The following RSPH14 variants were observed in gnomAD, a reference collection of about 807,000 sequenced individuals.
The protein encoded by RSPH14 is rhabdoid tumor deletion region gene 1.
In RSPH14, 20 loss-of-function variants were observed where a neutral mutation model predicts 26.7. That is an observed-to-expected ratio of 0.75 (90% confidence interval 0.53 to 1.09). The LOEUF is 1.09. RSPH14 is among the 50% of genes least tolerant of loss of function. The pLI is 0.00. For synonymous variants in RSPH14, 177 were observed against 189.3 expected, an observed-to-expected ratio of 0.93 and a Z score of 0.53; for missense variants, 449 against 457.2, an observed-to-expected ratio of 0.98 and a Z score of 0.16.
chr22:23,060,743 C>T (rs1459159597), intron 6 of RSPH14, among the ~76,000 whole-genome samples: 1 of 152,126 alleles, frequency 6.6e-6, no homozygotes, highest in African/African-American at 2.4e-5. Flanking sequence ...CTGTGTTTGC[C>T]CCACCCATGC....
intron 4 of RSPH14, among the ~76,000 whole-genome samples, chr22:23,117,966 C>T (rs1280721480): frequency 2.0e-5 from 3 of 152,176 alleles, no homozygotes; most frequent in Non-Finnish European, 2.9e-5. Context: ...TTCCAGGTGC[C>T]GGACCTGGTC....
chr22:23,073,889 A>G (rs374916299), intron 4 of RSPH14, among the ~76,000 whole-genome samples: 3 of 150,118 alleles, frequency 2.0e-5, no homozygotes, highest in Admixed American at 6.6e-5. Context: ...TAAGTGCTGC[A>G]CTGTGGAGAA....
At chr22:23,155,406 T>G in the RSPH14 span, among the ~76,000 whole-genome samples, 6 of 152,174 alleles carry the variant, frequency 3.9e-5, no homozygotes, top group Non-Finnish European at 8.8e-5. Context: ...TTGCTTCTAA[T>G]TTCTTCTCAC....
At chr22:23,110,301 G>A (rs527881448) in intron 4 of RSPH14, among the ~76,000 whole-genome samples, 26 of 152,268 alleles carry the variant, frequency 1.7e-4, no homozygotes, top group Admixed American at 7.2e-4. Context: ...GTCACTTCTC[G>A]GAGGTGAACA....
chr22:23,069,680 C>A (rs2068290387), intron 4 of RSPH14, among the ~76,000 whole-genome samples: 1 of 152,162 alleles, frequency 6.6e-6, no homozygotes, highest in East Asian at 1.9e-4. Context: ...TTGCCAGGGA[C>A]GCCAAAGAGC....
At chr22:23,150,216 C>T in the RSPH14 span, 2 of 1,317,644 alleles carry the variant, frequency 1.5e-6, no homozygotes, top group South Asian at 2.5e-5. Context: ...GCATGAAGCA[C>T]GTGAAAGAAT....
At chr22:23,083,827 G>A (rs182099565) in intron 4 of RSPH14, among the ~76,000 whole-genome samples, 112 of 152,332 alleles carry the variant, frequency 7.4e-4, no homozygotes, top group Admixed American at 2.0e-3. Flanking sequence ...AAGGTCGCGC[G>A]GGCCAGGTGG....
intron 4 of RSPH14, among the ~76,000 whole-genome samples, chr22:23,079,336 C>T (rs890172622): frequency 5.9e-5 from 9 of 152,196 alleles, no homozygotes; most frequent in Non-Finnish European, 1.2e-4. Flanking sequence ...GGCGCGGAAG[C>T]GAAGTCCACT....
intron 4 of RSPH14, among the ~76,000 whole-genome samples, chr22:23,065,885 A>G (rs1028588448): frequency 5.3e-5 from 8 of 152,166 alleles, no homozygotes; most frequent in African/African-American, 1.9e-4. Flanking sequence ...AGATCCCATC[A>G]GTGCAGAAAC....
chr22:23,101,223 A>G (rs780144731), intron 4 of RSPH14, among the ~76,000 whole-genome samples: 16 of 151,548 alleles, frequency 1.1e-4, no homozygotes, highest in Non-Finnish European at 1.5e-5. Context: ...ACTGAGCCTC[A>G]GAGAGGTTCC....
chr22:23,072,177 C>A (rs1347334722), intron 4 of RSPH14, among the ~76,000 whole-genome samples: 2 of 152,160 alleles, frequency 1.3e-5, no homozygotes, highest in African/African-American at 4.8e-5. Flanking sequence ...ACCCAGGCAA[C>A]CCCCTTGTTA....
In RSPH14 at chr22:23,095,654, C is replaced by T. The variant is rs754923331; in HGVS notation, c.422-31521G>A. On this transcript the variant is annotated intron_variant, in intron 4 of 6. Coordinates refer to ENST00000216036, the MANE Select transcript of RSPH14 (RefSeq NM_014433.3). ...TCCCCTGTGGCAAGAGGGAGAGGTG[C>T]CCCATCCCGTGCTCCTTGTCTGGGC... is the stretch of plus-strand genomic sequence containing the variant. 10 of 1,558,866 alleles carry T rather than the reference C, an allele frequency of 6.4e-6. No individual in the cohort carries two copies. The Admixed American group carries it at 7.4e-5, about 12-fold the overall frequency.
chr22:23,168,580 C>T, the RSPH14 span, among the ~76,000 whole-genome samples: 1 of 152,216 alleles, frequency 6.6e-6, no homozygotes, highest in Non-Finnish European at 1.5e-5. Flanking sequence ...CCTCTGCCAT[C>T]TGCTGTGGCC....
chr22:23,163,094 A>G, the RSPH14 span: 2 of 228,522 alleles, frequency 8.8e-6, no homozygotes, highest in Non-Finnish European at 1.7e-5. Context: ...TATTTTTAGT[A>G]GAGATGGGGT....
intron 4 of RSPH14, among the ~76,000 whole-genome samples, chr22:23,121,112 G>C (rs2146396938): frequency 6.6e-6 from 1 of 152,254 alleles, no homozygotes; most frequent in South Asian, 2.1e-4. Context: ...CTGCGGAGGC[G>C]CTGGCTCCTC....
the RSPH14 span, among the ~76,000 whole-genome samples, chr22:23,175,154 C>A: frequency 3.9e-5 from 6 of 151,904 alleles, no homozygotes; most frequent in East Asian, 1.2e-3. Context: ...CACCACCACA[C>A]CCGGCTAATT....
chr22:23,162,692 G>A, the RSPH14 span: 3 of 456,248 alleles, frequency 6.6e-6, no homozygotes, highest in South Asian at 4.6e-5. Context: ...ACCTGGCTAT[G>A]CCCACTCATC....
Position 23,075,896 on chromosome 22 carries a change from CTGTGAGGTCTGCTCCTT to C in RSPH14, c.422-11780_422-11764del, listed in dbSNP as rs529983748. On this transcript the variant is annotated intron_variant, in intron 4 of 6. Coordinates refer to ENST00000216036, the MANE Select transcript of RSPH14 (RefSeq NM_014433.3). ...CCAAGGTCCTTTGTGAGGTCTGCCC[CTGTGAGGTCTGCTCCTT>C]TGTGAGGTCTGCCCCTGTGAGTCAT... Among the ~76,000 whole-genome samples the C allele has an allele frequency of 2.7e-3, 408 of 152,186 alleles. 1 individual carries two copies. The highest frequency in any genetic ancestry group is 9.5e-3 in the African/African-American group (395 of 41,502).
intron 4 of RSPH14, chr22:23,123,604 G>T (rs1325213431): frequency 1.8e-5 from 11 of 600,326 alleles, no homozygotes; most frequent in Non-Finnish European, 3.3e-5. Context: ...AATATTTACG[G>T]ATAGATTGCT....
Sources: allele counts gnomAD v4.1 joint callset (sites outside exome capture counted in the v4.1 genomes callset), GRCh38; gene constraint gnomAD v4.1.1; transcripts MANE v1.5; gene names NCBI Gene and HGNC (gene_info 2026-07-23, HGNC 2026-07-21).